Variants in CDK5RAP2 observed in about 807,000 individuals in gnomAD.
CDK5RAP2 encodes CDK5 regulatory subunit-associated protein 2.
A neutral mutation model predicts 232.9 loss-of-function variants in CDK5RAP2; 147 were observed. The observed-to-expected ratio is 0.63, with a 90% CI of 0.55 to 0.72. The LOEUF is 0.72. Ranked by LOEUF, CDK5RAP2 falls within the 30% of genes least tolerant of loss-of-function variation. CDK5RAP2 has a pLI of 0.00. For missense variants in CDK5RAP2, 2,195 were observed against 2,231.5 expected, an observed-to-expected ratio of 0.98 and a Z score of 0.33; for synonymous variants, 833 against 833.7, an observed-to-expected ratio of 1.00 and a Z score of 0.01.
chr9:120,417,662 A>G (rs7868021), intron 27 of CDK5RAP2, among the ~76,000 whole-genome samples: 146,953 of 152,318 alleles, frequency 0.96, 70,919 homozygotes, highest in East Asian at 1. Context: ...TATTAATTAT[A>G]CAGCCAAACT....
In CDK5RAP2 at chr9:120,420,658, C is replaced by T. The variant is rs536881149; in HGVS notation, c.4005-698G>A. On this transcript the variant is annotated intron_variant, in intron 26 of 37. Transcript: ENST00000349780. ...TTAGAGATAAACTCCTTAATTGATG[C>T]TCTTTTTTTCTCCCACGTCTTCCTA... 2.6e-5 allele frequency among the ~76,000 whole-genome samples: 4 copies of T among 152,288 alleles called. No individual in the cohort carries two copies. The South Asian group carries it at 8.3e-4, about 32-fold the overall frequency.
intron 5 of CDK5RAP2, among the ~76,000 whole-genome samples, chr9:120,541,368 A>C (rs1393420368): frequency 6.6e-6 from 1 of 152,210 alleles, no homozygotes; most frequent in Non-Finnish European, 1.5e-5. Flanking sequence ...AGTTTGTTTG[A>C]GTTTTAGTTA....
At position 120,470,056 on chromosome 9, in the gene CDK5RAP2, A is replaced by C; in HGVS notation, c.1968+55T>G. Reference sequence around the variant, plus strand: ...ACCTCTCATGAGGAACCCAAGATACAACAAACAATCTAACAAAAAGAAAAG... The same window carrying C: ...ACCTCTCATGAGGAACCCAAGATACCACAAACAATCTAACAAAAAGAAAAG... On this transcript the variant is annotated intron_variant, in intron 17 of 37. Coordinates refer to ENST00000349780, the MANE Select transcript of CDK5RAP2 (RefSeq NM_018249.6). 3.3e-6 allele frequency: 3 copies of C among 914,924 alleles called. No homozygotes were observed. In the African/African-American group the frequency reaches 4.9e-5, roughly 15 times the overall value. The allele number at this position is 914,924 out of a possible 1,614,324, so 56.7% of individuals were successfully genotyped here.
chr9:120,551,523 A>G (rs1001373505), intron 3 of CDK5RAP2, among the ~76,000 whole-genome samples: 2 of 152,246 alleles, frequency 1.3e-5, no homozygotes, highest in Admixed American at 1.3e-4. Context: ...ATGAGAGCAA[A>G]TAATTCCATC....
intron 34 of CDK5RAP2, 76 bp from the exon 35 acceptor site, chr9:120,400,961 T>C (rs1488821597): frequency 3.9e-6 from 6 of 1,536,174 alleles, no homozygotes; most frequent in Non-Finnish European, 5.4e-6. Flanking sequence ...ACATGCAGTA[T>C]AAATCTCCAG....
At chr9:120,440,686 C>G (rs2035849698) in intron 23 of CDK5RAP2, among the ~76,000 whole-genome samples, 1 of 152,200 alleles carries the variant, frequency 6.6e-6, no homozygotes, top group Admixed American at 6.5e-5. Flanking sequence ...AGCTCTCCCT[C>G]ACCAGACTGC....
At chr9:120,459,408 A>G (rs2036961750) in intron 19 of CDK5RAP2, among the ~76,000 whole-genome samples, 1 of 152,196 alleles carries the variant, frequency 6.6e-6, no homozygotes, top group South Asian at 2.1e-4. Flanking sequence ...CTGGTGATAT[A>G]CACACTAGCC....
intron 26 of CDK5RAP2, among the ~76,000 whole-genome samples, chr9:120,422,345 G>A (rs1212962433): frequency 6.6e-6 from 1 of 152,190 alleles, no homozygotes; most frequent in Non-Finnish European, 1.5e-5. Flanking sequence ...AATGGGCAGG[G>A]GAGAAGAGAA....
chr9:120,513,325 G>A (rs1383212693), intron 12 of CDK5RAP2, among the ~76,000 whole-genome samples: 1 of 152,126 alleles, frequency 6.6e-6, no homozygotes, highest in Non-Finnish European at 1.5e-5. Context: ...ATCTGATCCT[G>A]TCAATCCTCT....
At chr9:120,416,357 T>A (rs2034218343) in intron 27 of CDK5RAP2, among the ~76,000 whole-genome samples, 1 of 152,162 alleles carries the variant, frequency 6.6e-6, no homozygotes, top group African/African-American at 2.4e-5. Flanking sequence ...GCTCAAAAAC[T>A]CAGGGAAACA....
chr9:120,470,412 T>A (rs2037631994), intron 16 of CDK5RAP2, among the ~76,000 whole-genome samples, 192 bp from the exon 17 acceptor site: 1 of 152,182 alleles, frequency 6.6e-6, no homozygotes, highest in Non-Finnish European at 1.5e-5. Flanking sequence ...TTTCCCTTTC[T>A]CAACAGGCTG....
At chr9:120,510,174 C>T (rs1045970565) in intron 12 of CDK5RAP2, among the ~76,000 whole-genome samples, 3 of 152,182 alleles carry the variant, frequency 2.0e-5, no homozygotes, top group Non-Finnish European at 4.4e-5. Flanking sequence ...CATGTGAGAA[C>T]TGGGAGGTTC....
At chr9:120,506,029 T>C (rs1389816912) in intron 12 of CDK5RAP2, among the ~76,000 whole-genome samples, 7 of 152,202 alleles carry the variant, frequency 4.6e-5, no homozygotes, top group Non-Finnish European at 2.9e-5. Context: ...CAGCCTTACA[T>C]TGGAAGAAGA....
At chr9:120,543,340 T>G (rs781346569) in intron 5 of CDK5RAP2, among the ~76,000 whole-genome samples, 1 of 152,206 alleles carries the variant, frequency 6.6e-6, no homozygotes, top group Non-Finnish European at 1.5e-5. Context: ...TCTGATTGTG[T>G]CACTTGCTTA....
At chr9:120,564,894 C>A (rs528398506) in intron 3 of CDK5RAP2, among the ~76,000 whole-genome samples, 4 of 152,298 alleles carry the variant, frequency 2.6e-5, no homozygotes, top group African/African-American at 7.2e-5. Flanking sequence ...CAGGCCTTCA[C>A]AAAATGCTGC....
At chr9:120,538,936 T>C (rs879021601) in intron 6 of CDK5RAP2, 105 bp downstream of exon 6, 11 of 1,231,838 alleles carry the variant, frequency 8.9e-6, no homozygotes, top group Middle Eastern at 1.9e-4. Flanking sequence ...GGGTAGCTGT[T>C]GTTTCTGCTG....
intron 13 of CDK5RAP2, among the ~76,000 whole-genome samples, chr9:120,488,412 T>C (rs1421200247): frequency 6.6e-6 from 1 of 152,234 alleles, no homozygotes; most frequent in African/African-American, 2.4e-5. Context: ...AGTCCAATTA[T>C]AGATATACAT....
chr9:120,448,150 T>C (rs1181906236), intron 21 of CDK5RAP2, 24 bp from the exon 22 acceptor site: 2 of 1,542,286 alleles, frequency 1.3e-6, no homozygotes, highest in Non-Finnish European at 1.8e-6. Flanking sequence ...TATGCAACAA[T>C]GAATACACTT....
rs577566486 is a variant in CDK5RAP2, at chr9:120,545,873, C to T, written c.307-83G>A. 5.0e-5 allele frequency: 52 copies of T among 1,038,002 alleles called. No homozygotes were observed. In the South Asian group the frequency reaches 6.1e-4, roughly 12 times the overall value. 64.3% of individuals were successfully genotyped at this position (1,038,002 alleles called of 1,614,324 possible). A position where few individuals can be genotyped will look rare whatever the true frequency, so the allele number is the denominator to read the frequency against. On this transcript the variant is annotated intron_variant, in intron 4 of 37. Transcript: ENST00000349780. ...TCAACAATGGGGAAACTGCTTCCAG[C>T]ACAGACTGACTACAGGATGCTTGTA... is the stretch of plus-strand genomic sequence containing the variant.
Sources: gnomAD v4.1 joint callset for allele counts (sites outside exome capture counted in the v4.1 genomes callset) on GRCh38, gnomAD v4.1.1 for gene constraint, MANE v1.5 for transcripts, NCBI Gene and HGNC (gene_info 2026-07-23, HGNC 2026-07-21) for gene names.